UNC5C: variants seen among roughly 807,000 people sequenced by gnomAD.
UNC5C encodes unc-5 netrin receptor C, also known as netrin receptor UNC5C.
A neutral mutation model predicts 99.8 loss-of-function variants in UNC5C; 47 were observed. The observed-to-expected ratio is 0.47, with a 90% confidence interval of 0.37 to 0.60. The LOEUF (loss-of-function observed/expected upper bound fraction) is 0.60, where lower values mean the gene tolerates loss of function less well. Among genes scored for constraint, UNC5C ranks in the 20% least tolerant of loss-of-function variants. UNC5C has a pLI of 0.00. For synonymous variants in UNC5C, 487 were observed against 452.2 expected, an observed-to-expected ratio of 1.08 and a Z score of -0.98; for missense variants, 1,062 against 1,165.9, an observed-to-expected ratio of 0.91 and a Z score of 1.30.
At chr4:95,293,503 A>C (rs968753383) in intron 3 of UNC5C, among the ~76,000 whole-genome samples, 2 of 151,578 alleles carry the variant, frequency 1.3e-5, no homozygotes, top group African/African-American at 4.9e-5. Flanking sequence ...GGCTTTTATT[A>C]GAGACAAGGT....
At chr4:95,201,825 T>A (rs192673726) in intron 12 of UNC5C, among the ~76,000 whole-genome samples, 1 of 152,114 alleles carries the variant, frequency 6.6e-6, no homozygotes, top group Non-Finnish European at 1.5e-5. Context: ...AGGATGGTCT[T>A]GATCTCCTGA....
At chr4:95,286,877 T>A (rs944126351) in intron 3 of UNC5C, among the ~76,000 whole-genome samples, 2 of 152,192 alleles carry the variant, frequency 1.3e-5, no homozygotes, top group African/African-American at 4.8e-5. Context: ...GAGATTTTTT[T>A]TTCTAACTGT....
intron 1 of UNC5C, among the ~76,000 whole-genome samples, chr4:95,485,070 T>C (rs1304968275): frequency 6.6e-6 from 1 of 151,870 alleles, no homozygotes; most frequent in Non-Finnish European, 1.5e-5. Flanking sequence ...CAGTGATGAA[T>C]ATCTGCCATT....
At chr4:95,394,020 A>T (rs1256184258) in intron 1 of UNC5C, among the ~76,000 whole-genome samples, 1 of 152,148 alleles carries the variant, frequency 6.6e-6, no homozygotes, top group Non-Finnish European at 1.5e-5. Context: ...ATGAAGATGT[A>T]TGGCTGGGTA....
chr4:95,298,788 C>T (rs1463484383), intron 3 of UNC5C, among the ~76,000 whole-genome samples: 1 of 152,084 alleles, frequency 6.6e-6, no homozygotes, highest in Non-Finnish European at 1.5e-5. Context: ...ACCCCAATAC[C>T]CACAATTGTC....
chr4:95,446,024 T>C (rs183230619), intron 1 of UNC5C, among the ~76,000 whole-genome samples: 213 of 152,262 alleles, frequency 1.4e-3, no homozygotes, highest in Non-Finnish European at 2.5e-3. Context: ...GAGTGGTTTT[T>C]ATAAAGGTAG....
intron 3 of UNC5C, among the ~76,000 whole-genome samples, chr4:95,294,769 A>G (rs541721456): frequency 2.0e-5 from 3 of 152,228 alleles, no homozygotes; most frequent in Non-Finnish European, 4.4e-5. Flanking sequence ...AAACATATAA[A>G]GTTGTTTAAA....
rs375002203 is a variant in UNC5C at position 95,407,932 on chromosome 4, A to G, written c.125-72301T>C. ...GAATAATAGAATAAACACTTTACTT[A>G]GGAATACCTGGGTAAAAACCAGAAG... is the stretch of plus-strand genomic sequence containing the variant. On this transcript the variant is annotated intron_variant, in intron 1 of 15. Coordinates refer to ENST00000453304, the MANE Select transcript of UNC5C (RefSeq NM_003728.4). 2.1e-4 allele frequency among the ~76,000 whole-genome samples: 32 copies of G among 152,368 alleles called. No homozygotes were observed. The South Asian group carries it at 5.0e-3, about 24-fold the overall frequency.
chr4:95,329,970 T>G (rs532180441), intron 2 of UNC5C, among the ~76,000 whole-genome samples: 1 of 152,300 alleles, frequency 6.6e-6, no homozygotes, highest in Middle Eastern at 3.4e-3. Flanking sequence ...TTTATTTTAT[T>G]CTAAAGAATG....
intron 1 of UNC5C, among the ~76,000 whole-genome samples, chr4:95,524,262 G>A (rs1370996942): frequency 6.6e-6 from 1 of 152,106 alleles, no homozygotes; most frequent in Non-Finnish European, 1.5e-5. Flanking sequence ...GTTTGACTTT[G>A]GTACATTACT....
intron 2 of UNC5C, among the ~76,000 whole-genome samples, chr4:95,310,284 G>A (rs1373591838): frequency 1.3e-5 from 2 of 152,048 alleles, no homozygotes; most frequent in East Asian, 3.9e-4. Flanking sequence ...AGAGGGTAGG[G>A]GGTCCCAAGA....
At chr4:95,398,196 C>T (rs1289865180) in intron 1 of UNC5C, among the ~76,000 whole-genome samples, 1 of 152,068 alleles carries the variant, frequency 6.6e-6, no homozygotes, top group Admixed American at 6.6e-5. Flanking sequence ...TTACCTGATT[C>T]ATCAAAACTA....
At chr4:95,198,758 C>T (rs980080411) in intron 12 of UNC5C, among the ~76,000 whole-genome samples, 2 of 152,060 alleles carry the variant, frequency 1.3e-5, no homozygotes, top group African/African-American at 4.8e-5. Context: ...GTACAGTCTT[C>T]GCTGGAGGCA....
chr4:95,364,904 A>T (rs1553966910), intron 1 of UNC5C, among the ~76,000 whole-genome samples: 1 of 152,060 alleles, frequency 6.6e-6, no homozygotes, highest in South Asian at 2.1e-4. Context: ...AAGCACTGTC[A>T]AATTCTTTAT....
intron 1 of UNC5C, among the ~76,000 whole-genome samples, chr4:95,452,102 A>G (rs540568553): frequency 1.3e-5 from 2 of 152,298 alleles, no homozygotes; most frequent in East Asian, 3.9e-4. Context: ...ATTATTTTAA[A>G]TTTGCTTCAA....
intron 1 of UNC5C, among the ~76,000 whole-genome samples, chr4:95,393,865 A>T (rs71601274): frequency 0.21 from 23,363 of 113,184 alleles, 2,174 homozygotes; most frequent in East Asian, 0.32. Flanking sequence ...TTTTTTTTTA[A>T]AAAAAAACAG....
intron 3 of UNC5C, among the ~76,000 whole-genome samples, chr4:95,288,802 T>C (rs1416154626): frequency 1.3e-5 from 2 of 152,228 alleles, no homozygotes; most frequent in Non-Finnish European, 2.9e-5. Flanking sequence ...TGTCTTTCTC[T>C]TACAAGGCAT....
At chr4:95,388,049 A>G (rs958682369) in intron 1 of UNC5C, among the ~76,000 whole-genome samples, 1 of 152,310 alleles carries the variant, frequency 6.6e-6, no homozygotes, top group South Asian at 2.1e-4. Flanking sequence ...AACTATTTTT[A>G]TGGAAATACT....
chr4:95,383,167 A>G (rs1579373007), intron 1 of UNC5C, among the ~76,000 whole-genome samples: 2 of 152,304 alleles, frequency 1.3e-5, no homozygotes, highest in East Asian at 3.9e-4. Context: ...ACAAAAACAG[A>G]AGAAGAAAAA....
Sources: gnomAD v4.1 joint callset for allele counts (sites outside exome capture counted in the v4.1 genomes callset) on GRCh38, gnomAD v4.1.1 for gene constraint, MANE v1.5 for transcripts, NCBI Gene and HGNC (gene_info 2026-07-23, HGNC 2026-07-21) for gene names.